Variants in EDIL3 observed in about 807,000 individuals in gnomAD.
EDIL3 encodes the protein EGF-like repeat and discoidin I-like domain-containing protein 3.
In EDIL3, 37 loss-of-function variants were observed where a neutral mutation model predicts 67.4. That is an observed-to-expected ratio of 0.55 (90% CI 0.42 to 0.72). The LOEUF is 0.72. EDIL3 is among the 30% of genes least tolerant of loss of function. EDIL3 has a pLI of 0.00. For missense variants in EDIL3, 527 were observed against 586.3 expected, an observed-to-expected ratio of 0.90 and a Z score of 1.04; for synonymous variants, 195 against 196.3, an observed-to-expected ratio of 0.99 and a Z score of 0.05.
At chr5:84,343,515 T>C (rs757216125) in intron 1 of EDIL3, among the ~76,000 whole-genome samples, 16 of 152,086 alleles carry the variant, frequency 1.1e-4, no homozygotes, top group African/African-American at 4.8e-5. Flanking sequence ...GGCCAGCTCA[T>C]CCATATTTGG....
In EDIL3 at chr5:84,099,564, T is replaced by A. The variant is rs1747325151; in HGVS notation, c.651+7085A>T. Among the ~76,000 whole-genome samples the A allele has an allele frequency of 3.3e-5, 5 of 151,378 alleles. No homozygotes were observed. In the Admixed American group the frequency reaches 3.3e-4, roughly 10 times the overall value. ...AACTGGACCCCTTCCTTACACCTTA[T>A]AAAAAAATTAACTCAAGATGGATTA... is the stretch of plus-strand genomic sequence containing the variant. On this transcript the variant is annotated intron_variant, in intron 6 of 10. Coordinates refer to ENST00000296591, the MANE Select transcript of EDIL3 (RefSeq NM_005711.5).
chr5:84,365,334 A>G (rs765668550), intron 1 of EDIL3, among the ~76,000 whole-genome samples: 6 of 152,160 alleles, frequency 3.9e-5, no homozygotes, highest in Admixed American at 1.3e-4. Context: ...TAAAACAAGA[A>G]CATATTCCAA....
rs192561802 is a variant in EDIL3, at chr5:84,319,042, A to T, written c.68-64830T>A. Among the ~76,000 whole-genome samples the T allele has an allele frequency of 2.0e-5, 3 of 152,348 alleles. No homozygotes were observed. In the East Asian group the frequency reaches 5.8e-4, roughly 29 times the overall value. ...GAAGACATTTATGCAGCCAACAGACATATGAAGAAATGCTCATCATCACTG... is the reference window on the plus strand; with the variant it reads ...GAAGACATTTATGCAGCCAACAGACTTATGAAGAAATGCTCATCATCACTG... On this transcript the variant is annotated intron_variant, in intron 1 of 10. Coordinates refer to ENST00000296591, the MANE Select transcript of EDIL3 (RefSeq NM_005711.5).
At chr5:84,155,067 TCTC>T (rs1222374860) in intron 4 of EDIL3, among the ~76,000 whole-genome samples, 1 of 152,164 alleles carries the variant, frequency 6.6e-6, no homozygotes, top group Non-Finnish European at 1.5e-5. Flanking sequence ...TGGGATATCT[TCTC>T]CTTGCTCACC....
intron 9 of EDIL3, among the ~76,000 whole-genome samples, chr5:84,018,951 T>G (rs1275326249): frequency 5.9e-5 from 9 of 152,198 alleles, no homozygotes; most frequent in Admixed American, 5.9e-4. Context: ...TTGGTGGGAC[T>G]GTAAACTAGT....
Position 84,066,333 on chromosome 5 carries a change from A to C in EDIL3, c.807+118T>G, listed in dbSNP as rs1580308931. The C allele has an allele frequency of 2.3e-5, 26 of 1,131,542 alleles. No homozygotes were observed. In the East Asian group the frequency reaches 7.4e-4, roughly 32 times the overall value. The allele number at this position is 1,131,542 out of a possible 1,614,324, so 70.1% of individuals were successfully genotyped here. The stretch of plus-strand genomic sequence containing the variant: ...TCACACTAGCCCAATTAAAAACAAG[A>C]CGCATTGGTAATTTATTTTCATCAA... On this transcript the variant is annotated intron_variant, in intron 7 of 10. Coordinates refer to ENST00000296591, the MANE Select transcript of EDIL3 (RefSeq NM_005711.5).
chr5:84,225,799 A>T (rs1335364824), intron 3 of EDIL3, among the ~76,000 whole-genome samples: 2 of 151,654 alleles, frequency 1.3e-5, no homozygotes, highest in Non-Finnish European at 3.0e-5. Flanking sequence ...ATATCAATAC[A>T]TTAAAAATGT....
chr5:84,223,138 C>T (rs1744379918), intron 3 of EDIL3, among the ~76,000 whole-genome samples: 1 of 151,500 alleles, frequency 6.6e-6, no homozygotes. Context: ...ATTTTGAGTT[C>T]ATTTTTATAT....
In EDIL3 at chr5:84,325,396, C is replaced by T. The variant is rs531593867; in HGVS notation, c.67+58912G>A. 1.8e-4 allele frequency among the ~76,000 whole-genome samples: 28 copies of T among 151,966 alleles called. No individual in the cohort carries two copies. In the South Asian group the frequency reaches 5.6e-3, roughly 30 times the overall value. ...ACACATGAAACAATGCTCAACAATG[C>T]TACTCCATGGGAAAATGTGAAGAAA... is the stretch of plus-strand genomic sequence containing the variant. On this transcript the variant is annotated intron_variant, in intron 1 of 10. Transcript: ENST00000296591.
rs886588493 is a variant in EDIL3 at position 84,064,774 on chromosome 5, T to A, written c.878A>T (p.Tyr293Phe). The A allele has an allele frequency of 3.1e-6, 5 of 1,613,904 alleles. No individual in the cohort carries two copies. The African/African-American group carries it at 4.0e-5, about 13-fold the overall frequency. ...ACAAACTTGGGGATAGAGTCTTACATACTGAGCTTTTATGGGGGGTGTGAA... is the reference window on the plus strand; with the variant it reads ...ACAAACTTGGGGATAGAGTCTTACAAACTGAGCTTTTATGGGGGGTGTGAA... ...NSFTPPIKAQYVRLYPQVCRR... is the reference protein window; with the variant it reads ...NSFTPPIKAQFVRLYPQVCRR... The change falls in exon 8 of 11, where the codon TAT (tyrosine) becomes TTT (phenylalanine). Residue 293 changes from tyrosine to phenylalanine, a missense_variant. Tyr to Phe is a conservative substitution (Grantham distance 22, BLOSUM62 3). Transcript: ENST00000296591.
At chr5:84,051,311 G>A (rs1381542362) in intron 9 of EDIL3, among the ~76,000 whole-genome samples, 1 of 152,064 alleles carries the variant, frequency 6.6e-6, no homozygotes, top group Non-Finnish European at 1.5e-5. Flanking sequence ...AACCCCATAT[G>A]TCACCATCAT....
rs575893185 is a variant in EDIL3 at position 84,200,825 on chromosome 5, C to T, written c.227-20304G>A. Among the ~76,000 whole-genome samples the T allele has an allele frequency of 1.6e-4, 25 of 151,960 alleles. 1 individual carries two copies. The highest frequency in any genetic ancestry group is 8.3e-4 in the South Asian group (4 of 4,814). ...ACGCATTGGCATAATGGGAAAGAAACGGAAAGAAATGTCTTTCTGGAGAAA... is the reference window on the plus strand; with the variant it reads ...ACGCATTGGCATAATGGGAAAGAAATGGAAAGAAATGTCTTTCTGGAGAAA... On this transcript the variant is annotated intron_variant, in intron 3 of 10. Coordinates refer to ENST00000296591, the MANE Select transcript of EDIL3 (RefSeq NM_005711.5).
intron 1 of EDIL3, among the ~76,000 whole-genome samples, chr5:84,334,677 A>C (rs970096173): frequency 2.6e-5 from 4 of 152,202 alleles, no homozygotes; most frequent in African/African-American, 9.7e-5. Context: ...TATCATCATC[A>C]AAAGATACCA....
At chr5:84,094,368 T>C (rs1327691727) in intron 6 of EDIL3, among the ~76,000 whole-genome samples, 4 of 152,194 alleles carry the variant, frequency 2.6e-5, no homozygotes, top group Admixed American at 6.5e-5. Context: ...ATGGTAAGAA[T>C]GGGAATATAG....
intron 1 of EDIL3, among the ~76,000 whole-genome samples, chr5:84,260,028 C>G (rs542393565): frequency 1.3e-5 from 2 of 152,142 alleles, no homozygotes; most frequent in South Asian, 2.1e-4. Context: ...ATTTTGTTCA[C>G]TGATAATTAA....
chr5:84,355,069 GA>G (rs1216370312), intron 1 of EDIL3, among the ~76,000 whole-genome samples: 1 of 152,134 alleles, frequency 6.6e-6, no homozygotes, highest in Non-Finnish European at 1.5e-5. Context: ...ATAATATCCT[GA>G]AGTGTGCTTT....
In EDIL3 at chr5:84,217,721, A is replaced by AACACACACACAC. The variant is rs61264723; in HGVS notation, c.226+12122_226+12133dup. ...TACCCATCTATCTATTATACACACA[A>AACACACACACAC]ACACACACACACACACACACACACA... On this transcript the variant is annotated intron_variant, in intron 3 of 10. Coordinates refer to ENST00000296591, the MANE Select transcript of EDIL3 (RefSeq NM_005711.5). 6.3e-3 allele frequency among the ~76,000 whole-genome samples: 848 copies of AACACACACACAC among 134,990 alleles called. 8 individuals carry two copies. Among genetic ancestry groups the AACACACACACAC allele is most frequent in the Middle Eastern group, 0.02 (5 of 254 alleles). 88.6% of individuals were successfully genotyped at this position (134,990 alleles called of 152,430 possible). A position where few individuals can be genotyped will look rare whatever the true frequency, so the allele number is the denominator to read the frequency against.
intron 6 of EDIL3, among the ~76,000 whole-genome samples, chr5:84,070,956 T>C (rs2112245787): frequency 6.6e-6 from 1 of 152,320 alleles, no homozygotes; most frequent in South Asian, 2.1e-4. Context: ...TATTTCTCTT[T>C]CTCATTCTCA....
At chr5:84,108,383 C>CA (rs1747500626) in intron 5 of EDIL3, among the ~76,000 whole-genome samples, 1 of 151,870 alleles carries the variant, frequency 6.6e-6, no homozygotes, top group African/African-American at 2.4e-5. Flanking sequence ...TTGCCATTGA[C>CA]AAAAAATTAC....
Sources: allele counts gnomAD v4.1 joint callset (sites outside exome capture counted in the v4.1 genomes callset), GRCh38; gene constraint gnomAD v4.1.1; transcripts MANE v1.5; gene names NCBI Gene and HGNC (gene_info 2026-07-23, HGNC 2026-07-21).